EFCAB12: variants seen among roughly 807,000 people sequenced by gnomAD.
EFCAB12 encodes the protein EF-hand calcium-binding domain-containing protein 12.
EFCAB12 carries 43 observed loss-of-function variants against 53.6 expected under a neutral mutation model. The ratio of observed to expected loss-of-function variants is 0.80; its 90% CI spans 0.63 to 1.03. The LOEUF (loss-of-function observed/expected upper bound fraction) is 1.03, where lower values mean the gene tolerates loss of function less well. Ranked by LOEUF, EFCAB12 falls within the 50% of genes least tolerant of loss-of-function variation. EFCAB12 has a pLI of 0.00. For synonymous variants in EFCAB12, 269 were observed against 289.2 expected, an observed-to-expected ratio of 0.93 and a Z score of 0.71; for missense variants, 646 against 730.6, an observed-to-expected ratio of 0.88 and a Z score of 1.34.
At chr3:129,405,121 G>C (rs2071931715) in intron 6 of EFCAB12, among the ~76,000 whole-genome samples, 2 of 152,150 alleles carry the variant, frequency 1.3e-5, no homozygotes, top group Admixed American at 6.6e-5. Context: ...AGCCCACTTG[G>C]ATTTGTTTGG....
Position 129,418,364 on chromosome 3 carries a change from A to G in EFCAB12, c.571T>C (p.Tyr191His). Reference protein sequence around the residue: ...LPEPPALSVMYSYLHSRKIKI... With the variant: ...LPEPPALSVMHSYLHSRKIKI... ...ATCTTGCGGCTATGCAGGTAGGAGT[A>G]CATGACCGACAGGGCAGGGGGCTCG... is the stretch of plus-strand genomic sequence containing the variant. Residue 191 changes from tyrosine to histidine, a missense_variant, in exon 3 of 9, where the codon TAC becomes CAC. Tyr to His is a moderately conservative substitution (Grantham distance 83). Coordinates refer to ENST00000505956, the MANE Select transcript of EFCAB12 (RefSeq NM_207307.3). 6.2e-7 allele frequency: 1 copy of G among 1,613,874 alleles called. No homozygotes were observed. Among genetic ancestry groups the G allele is most frequent in the Non-Finnish European group, 8.5e-7 (1 of 1,179,802 alleles).
At chr3:129,428,377 C>CT in intron 1 of EFCAB12, 63 bp downstream of exon 1, 1 of 1,559,170 alleles carries the variant, frequency 6.4e-7, no homozygotes, top group Admixed American at 1.9e-5. Context: ...TTGCCCTCAC[C>CT]CCACTTTCAC....
At chr3:129,409,704 G>A (rs1268261948) in intron 5 of EFCAB12, among the ~76,000 whole-genome samples, 1 of 152,096 alleles carries the variant, frequency 6.6e-6, no homozygotes, top group African/African-American at 2.4e-5. Flanking sequence ...TTTTGTTGGA[G>A]CACAGCCACA....
chr3:129,417,895 G>A (rs2072138453), intron 3 of EFCAB12, among the ~76,000 whole-genome samples: 1 of 151,850 alleles, frequency 6.6e-6, no homozygotes, highest in Admixed American at 6.6e-5. Context: ...ATATGCCAGT[G>A]ACAGTTGGAG....
intron 6 of EFCAB12, among the ~76,000 whole-genome samples, chr3:129,406,538 T>C (rs1307091263): frequency 6.6e-6 from 1 of 152,212 alleles, no homozygotes; most frequent in Non-Finnish European, 1.5e-5. Context: ...GGTCTTGCTC[T>C]GTCACCTAGG....
chr3:129,407,867 T>C (rs1279573542), intron 6 of EFCAB12, among the ~76,000 whole-genome samples: 2 of 152,210 alleles, frequency 1.3e-5, no homozygotes, highest in Non-Finnish European at 2.9e-5. Flanking sequence ...TGAGCCGCAA[T>C]CGCACTACTA....
chr3:129,426,305 C>T (rs569953138), intron 1 of EFCAB12, among the ~76,000 whole-genome samples: 10 of 151,594 alleles, frequency 6.6e-5, no homozygotes, highest in South Asian at 4.2e-4. Context: ...CAAGTTTATA[C>T]CTCCAGTTGT....
At chr3:129,417,338 AACC>A (rs2072129455) in intron 3 of EFCAB12, among the ~76,000 whole-genome samples, 1 of 141,044 alleles carries the variant, frequency 7.1e-6, no homozygotes, top group Non-Finnish European at 1.5e-5. Context: ...AAAAAAAAAA[AACC>A]AAAAAAAAAA....
intron 2 of EFCAB12, among the ~76,000 whole-genome samples, chr3:129,418,955 C>T (rs2072155662): frequency 6.6e-6 from 1 of 152,206 alleles, no homozygotes; most frequent in Non-Finnish European, 1.5e-5. Flanking sequence ...TGGTGCAGCA[C>T]TGGGCAGTTT....
At chr3:129,428,295 A>T (rs1006175104) in intron 1 of EFCAB12, 145 bp downstream of exon 1, 4 of 1,145,104 alleles carry the variant, frequency 3.5e-6, no homozygotes, top group Non-Finnish European at 2.5e-6. Context: ...TCAGAAATGT[A>T]CATGACCTGC....
intron 7 of EFCAB12, chr3:129,403,924 T>G: frequency 4.4e-5 from 8 of 181,644 alleles, no homozygotes; most frequent in East Asian, 1.4e-4. Context: ...TGGCTGGGGA[T>G]TTGTGAAGGC....
chr3:129,405,596 G>A (rs976825737), intron 6 of EFCAB12, among the ~76,000 whole-genome samples: 3 of 152,128 alleles, frequency 2.0e-5, no homozygotes, highest in Non-Finnish European at 4.4e-5. Flanking sequence ...AAGTATTATC[G>A]CCAAAACCAG....
chr3:129,412,067 CG>C (rs1049532275), intron 4 of EFCAB12: 23 of 152,104 alleles, frequency 1.5e-4, no homozygotes. Context: ...AAAAATTAGC[CG>C]GGTGCAGTGG....
intron 5 of EFCAB12, 42 bp downstream of exon 5, chr3:129,411,116 C>G: frequency 6.5e-7 from 1 of 1,539,220 alleles, no homozygotes; most frequent in Non-Finnish European, 8.7e-7. Context: ...CCCAGCTGCT[C>G]CAGTCCCCAA....
chr3:129,407,270 C>T (rs567708383), intron 6 of EFCAB12, among the ~76,000 whole-genome samples: 3 of 152,152 alleles, frequency 2.0e-5, no homozygotes, highest in Admixed American at 6.5e-5. Context: ...GCCTCCAGAA[C>T]GGTGAAAAAT....
At chr3:129,407,577 T>A (rs952275547) in intron 6 of EFCAB12, among the ~76,000 whole-genome samples, 3 of 152,190 alleles carry the variant, frequency 2.0e-5, no homozygotes, top group Non-Finnish European at 4.4e-5. Flanking sequence ...AGCTTGCTCC[T>A]TCATGTTTTT....
In EFCAB12 at chr3:129,411,290, T is replaced by A; in HGVS notation, c.903A>T (p.Ser301=). The A allele has an allele frequency of 6.2e-7, 1 of 1,612,008 alleles. No individual in the cohort carries two copies. Among genetic ancestry groups the A allele is most frequent in the Non-Finnish European group, 8.5e-7 (1 of 1,178,562 alleles). The change falls in exon 5 of 9, where the codon TCA becomes TCT. Residue 301 remains serine (S), a synonymous_variant. Coordinates refer to ENST00000505956, the MANE Select transcript of EFCAB12 (RefSeq NM_207307.3). ...GGTCCACTTTGGGAAGCTGTGGGGC[T>A]GAATCCACCTCCTGCTTCTTGAGCG... is the stretch of plus-strand genomic sequence containing the variant. The part of the protein sequence containing the change: ...KGPLKKQEVD[S]APQLPKVDLL...
At chr3:129,402,649 G>A (rs991542898) in intron 7 of EFCAB12, 70 bp from the exon 8 acceptor site, 45 of 1,485,774 alleles carry the variant, frequency 3.0e-5, no homozygotes, top group Non-Finnish European at 4.1e-5. Context: ...TAGGGAGTAG[G>A]TCAGGGCCGC....
chr3:129,406,000 C>G (rs935975404), intron 6 of EFCAB12, among the ~76,000 whole-genome samples: 4 of 151,440 alleles, frequency 2.6e-5, no homozygotes, highest in East Asian at 2.0e-4. Context: ...ATCGCTTGAG[C>G]CCAGGAGTTC....
Sources: gnomAD v4.1 joint callset for allele counts (sites outside exome capture counted in the v4.1 genomes callset) on GRCh38, gnomAD v4.1.1 for gene constraint, MANE v1.5 for transcripts, NCBI Gene and HGNC (gene_info 2026-07-23, HGNC 2026-07-21) for gene names.